The following TBC1D5 variants were observed in gnomAD, a reference collection of about 807,000 sequenced individuals.
The protein encoded by TBC1D5 is TBC1 domain family member 5.
A neutral mutation model predicts 100.3 loss-of-function variants in TBC1D5; 75 were observed. The observed-to-expected ratio is 0.75, with a 90% CI of 0.62 to 0.91. The LOEUF is 0.91. Among genes scored for constraint, TBC1D5 ranks in the 40% least tolerant of loss-of-function variants. TBC1D5 has a pLI of 0.00. For missense variants in TBC1D5, 910 were observed against 942.4 expected (o/e 0.97, Z 0.45); for synonymous variants, 323 against 325.6 (o/e 0.99, Z 0.09).
chr3:17,459,318 C>A (rs1376712992), intron 3 of TBC1D5, among the ~76,000 whole-genome samples: 1 of 152,096 alleles, frequency 6.6e-6, no homozygotes, highest in Non-Finnish European at 1.5e-5. Flanking sequence ...GCATTAGATT[C>A]TCATAAGGAG....
At chr3:17,375,198 A>G (rs947018234) in intron 10 of TBC1D5, among the ~76,000 whole-genome samples, 5 of 152,052 alleles carry the variant, frequency 3.3e-5, no homozygotes, top group African/African-American at 9.7e-5. Context: ...TCAATCACCT[A>G]TATTTTTTTG....
At chr3:17,693,230 G>A (rs774550988) in intron 1 of TBC1D5, among the ~76,000 whole-genome samples, 31 of 152,242 alleles carry the variant, frequency 2.0e-4, no homozygotes, top group Non-Finnish European at 3.5e-4. Context: ...ATTGGGACTG[G>A]TTGGACATTG....
chr3:17,523,995 A>G (rs549338651), intron 2 of TBC1D5, among the ~76,000 whole-genome samples: 3 of 152,198 alleles, frequency 2.0e-5, no homozygotes, highest in Non-Finnish European at 2.9e-5. Context: ...AAAGGTTCAG[A>G]AACACTGACA....
At chr3:17,521,174 A>G (rs1401885934) in intron 2 of TBC1D5, among the ~76,000 whole-genome samples, 2 of 152,228 alleles carry the variant, frequency 1.3e-5, no homozygotes, top group African/African-American at 4.8e-5. Flanking sequence ...GAAACAGAGT[A>G]TAAGACTATT....
chr3:17,272,381 G>A (rs188794076), intron 15 of TBC1D5, among the ~76,000 whole-genome samples: 1 of 152,238 alleles, frequency 6.6e-6, no homozygotes, highest in African/African-American at 2.4e-5. Context: ...CATTTATGAG[G>A]CATCAATTAA....
At chr3:17,539,069 G>T (rs975308548) in intron 2 of TBC1D5, among the ~76,000 whole-genome samples, 1 of 152,122 alleles carries the variant, frequency 6.6e-6, no homozygotes, top group Non-Finnish European at 1.5e-5. Context: ...TGTAATTCCA[G>T]CTACTCAGGA....
In TBC1D5 at chr3:17,473,989, G is replaced by A. The variant is rs988799004; in HGVS notation, c.97+34485C>T. ...AGTAATATCCCACAAGGGGGAGGAT[G>A]AGGACTTTTTAATCCTCACTTTTAC... On this transcript the variant is annotated intron_variant, in intron 3 of 21. Coordinates refer to ENST00000253692, the Ensembl canonical transcript of TBC1D5. Among the ~76,000 whole-genome samples the A allele has an allele frequency of 5.9e-5, 9 of 152,122 alleles. No individual in the cohort carries two copies. In the East Asian group the frequency reaches 1.2e-3, roughly 20 times the overall value.
chr3:17,177,552 T>C (rs2067918502), intron 19 of TBC1D5, among the ~76,000 whole-genome samples: 1 of 152,186 alleles, frequency 6.6e-6, no homozygotes, highest in Admixed American at 6.5e-5. Context: ...ATGAATATGT[T>C]AACATGTTTA....
intron 1 of TBC1D5, among the ~76,000 whole-genome samples, chr3:17,663,788 A>G (rs2066921539): frequency 6.6e-6 from 1 of 152,202 alleles, no homozygotes; most frequent in African/African-American, 2.4e-5. Flanking sequence ...CTAATAACCC[A>G]AATAGTCATC....
At chr3:17,583,968 GA>G (rs1560211597) in intron 2 of TBC1D5, among the ~76,000 whole-genome samples, 1 of 152,050 alleles carries the variant, frequency 6.6e-6, no homozygotes, top group Admixed American at 6.6e-5. Context: ...GTGTATGAAC[GA>G]ATAAATGGAT....
chr3:17,444,911 A>G (rs1430622102), intron 3 of TBC1D5, among the ~76,000 whole-genome samples: 1 of 152,190 alleles, frequency 6.6e-6, no homozygotes, highest in East Asian at 1.9e-4. Context: ...ACCCATCATC[A>G]GTAAGTAAAT....
intron 1 of TBC1D5, among the ~76,000 whole-genome samples, chr3:17,651,082 C>A (rs2065505161): frequency 6.6e-6 from 1 of 151,958 alleles, no homozygotes; most frequent in African/African-American, 2.4e-5. Flanking sequence ...TTTTTTCCTT[C>A]CTTAAAACTT....
chr3:17,489,340 C>T (rs1225259738), intron 3 of TBC1D5, among the ~76,000 whole-genome samples: 1 of 152,076 alleles, frequency 6.6e-6, no homozygotes, highest in Non-Finnish European at 1.5e-5. Context: ...GGTAGCCTGA[C>T]CTCAGAATTT....
At chr3:17,690,001 T>C (rs1341248910) in intron 1 of TBC1D5, among the ~76,000 whole-genome samples, 3 of 152,024 alleles carry the variant, frequency 2.0e-5, no homozygotes, top group Non-Finnish European at 2.9e-5. Flanking sequence ...TATAAAAGGA[T>C]ATGAATAAAA....
intron 2 of TBC1D5, among the ~76,000 whole-genome samples, chr3:17,563,783 G>GT (rs1263743186): frequency 1.3e-5 from 2 of 151,738 alleles, no homozygotes; most frequent in East Asian, 1.9e-4. Flanking sequence ...TTTGTTTTTT[G>GT]TTTTTTTGGT....
chr3:17,696,717 C>G (rs1341164187), intron 1 of TBC1D5, among the ~76,000 whole-genome samples: 1 of 152,176 alleles, frequency 6.6e-6, no homozygotes, highest in Non-Finnish European at 1.5e-5. Context: ...GTATTCCAAT[C>G]AATAGACAAA....
At chr3:17,455,544 GTA>G (rs1553764184) in intron 3 of TBC1D5, among the ~76,000 whole-genome samples, 2 of 147,774 alleles carry the variant, frequency 1.4e-5, no homozygotes, top group Non-Finnish European at 1.5e-5. Flanking sequence ...GTGTGTGTGT[GTA>G]TATATATATA....
At chr3:17,207,667 A>G (rs1360998922) in intron 18 of TBC1D5, among the ~76,000 whole-genome samples, 1 of 152,242 alleles carries the variant, frequency 6.6e-6, no homozygotes, top group Non-Finnish European at 1.5e-5. Context: ...TAGAAAGGGT[A>G]TGTGTGATAC....
chr3:17,211,555 T>C (rs1427432887), intron 18 of TBC1D5, among the ~76,000 whole-genome samples: 1 of 152,200 alleles, frequency 6.6e-6, no homozygotes, highest in African/African-American at 2.4e-5. Flanking sequence ...CCAGTTGTCA[T>C]GTCTTCAGTT....
Sources: allele counts gnomAD v4.1 joint callset (sites outside exome capture counted in the v4.1 genomes callset), GRCh38; gene constraint gnomAD v4.1.1; transcripts MANE v1.5; gene names NCBI Gene and HGNC (gene_info 2026-07-23, HGNC 2026-07-21).